Variants in LGMN observed in about 807,000 individuals in gnomAD.
The protein encoded by LGMN is asparaginyl endopeptidase.
LGMN carries 36 observed loss-of-function variants against 56.8 expected under a neutral mutation model. The observed-to-expected ratio is 0.63, with a 90% CI of 0.49 to 0.84. The LOEUF is 0.84. LGMN is among the 40% of genes least tolerant of loss of function. The pLI is 0.00. For missense variants in LGMN, 446 were observed against 556.1 expected (o/e 0.80, Z 1.99); for synonymous variants, 199 against 210.1 (o/e 0.95, Z 0.46).
chr14:92,704,602 G>T, intron 13 of LGMN, 38 bp downstream of exon 13: 2 of 1,544,682 alleles, frequency 1.3e-6, no homozygotes, highest in South Asian at 1.1e-5. Flanking sequence ...CTTTCAGAAT[G>T]ACATCGACCT....
At chr14:92,724,245 G>A (rs535018403) in intron 2 of LGMN, among the ~76,000 whole-genome samples, 2 of 152,280 alleles carry the variant, frequency 1.3e-5, no homozygotes, top group African/African-American at 4.8e-5. Flanking sequence ...TGCACTGTTT[G>A]GGACCCCCAG....
At chr14:92,710,913 C>T (rs1889731377) in intron 10 of LGMN, among the ~76,000 whole-genome samples, 1 of 152,232 alleles carries the variant, frequency 6.6e-6, no homozygotes, top group African/African-American at 2.4e-5. Flanking sequence ...GAAGGGCTAA[C>T]CATGGCTGGA....
At chr14:92,735,797 T>C (rs2140269849) in intron 1 of LGMN, among the ~76,000 whole-genome samples, 1 of 151,762 alleles carries the variant, frequency 6.6e-6, no homozygotes, top group East Asian at 1.9e-4. Context: ...GATTTGTTTT[T>C]TTCAGGTTTT....
rs977946156 is a variant in LGMN at position 92,705,768 on chromosome 14, C to T, written c.1191+715G>A. Among the ~76,000 whole-genome samples the T allele has an allele frequency of 6.6e-5, 10 of 152,100 alleles. 1 individual carries two copies. The highest frequency in any genetic ancestry group is 1.2e-4 in the African/African-American group (5 of 41,506). On this transcript the variant is annotated intron_variant, in intron 12 of 13. Transcript: ENST00000334869. ...TCAGCCTCCCGAGTAGTTGGGATTA[C>T]GGGCGTGCACCACCAAGTCTGGCTA...
At chr14:92,729,674 T>C (rs962987827) in intron 2 of LGMN, among the ~76,000 whole-genome samples, 1 of 152,130 alleles carries the variant, frequency 6.6e-6, no homozygotes, top group Non-Finnish European at 1.5e-5. Context: ...CCAAGGAAAA[T>C]ATAAACCTCT....
intron 11 of LGMN, 75 bp from the exon 12 acceptor site, chr14:92,706,728 T>A (rs150981975): frequency 7.4e-7 from 1 of 1,356,356 alleles, no homozygotes; most frequent in East Asian, 2.5e-5. Flanking sequence ...CGGTGAGAAG[T>A]GCATTCAAAG....
rs1420849993 is a variant in LGMN, at chr14:92,713,897, G to A, written c.481-12C>T. ...TCCTTTACATGAAGCTGAAAGGTGA[G>A]AATATTGTCAGACCAACACATCAAG... On this transcript the variant is annotated splice_polypyrimidine_tract_variant and intron_variant, in intron 6 of 13. Transcript: ENST00000334869. 4 of 1,601,568 alleles carry A rather than the reference G, an allele frequency of 2.5e-6. No homozygotes were observed. The South Asian group carries it at 3.3e-5, about 13-fold the overall frequency.
At chr14:92,734,812 G>A (rs1024340870) in intron 1 of LGMN, among the ~76,000 whole-genome samples, 1 of 152,180 alleles carries the variant, frequency 6.6e-6, no homozygotes, top group Non-Finnish European at 1.5e-5. Flanking sequence ...GACTCAGGGC[G>A]GCAGATGTGT....
rs182149822 is a variant in LGMN at position 92,733,417 on chromosome 14, C to T, written c.-29-602G>A. Among the ~76,000 whole-genome samples, 279 of 152,222 alleles carry T rather than the reference C, an allele frequency of 1.8e-3. 1 individual carries two copies. The highest frequency in any genetic ancestry group is 3.6e-3 in the Admixed American group (55 of 15,288). ...GCACTTTTTAAAGTTTTTGACGTAA[C>T]TCAAAATACAGCAGATAAAATTCAT... On this transcript the variant is annotated intron_variant, in intron 1 of 13. Transcript: ENST00000334869.
At chr14:92,729,323 A>C (rs1401737675) in intron 2 of LGMN, among the ~76,000 whole-genome samples, 1 of 148,894 alleles carries the variant, frequency 6.7e-6, no homozygotes, top group South Asian at 2.1e-4. Flanking sequence ...CCCATTATCC[A>C]TGCAACCCCC....
At chr14:92,726,274 C>T (rs1890735608) in intron 2 of LGMN, among the ~76,000 whole-genome samples, 1 of 151,846 alleles carries the variant, frequency 6.6e-6, no homozygotes, top group Non-Finnish European at 1.5e-5. Context: ...AAACAAATAG[C>T]TTGTGAGAAA....
In LGMN at chr14:92,714,162, G is replaced by A. The variant is rs1473819205; in HGVS notation, c.480+214C>T. Among the ~76,000 whole-genome samples, 2 of 152,138 alleles carry A rather than the reference G, an allele frequency of 1.3e-5. No homozygotes were observed. The highest frequency in any genetic ancestry group is 1.9e-4 in the East Asian group (1 of 5,184). On this transcript the variant is annotated intron_variant, in intron 6 of 13. Coordinates refer to ENST00000334869, the MANE Select transcript of LGMN (RefSeq NM_005606.7). This position sits in a 1 kb window ranked among gnomAD's most constrained non-coding sequence, Gnocchi z 5.1. ...CCCACATCCTGAGACAGCTACCGAC[G>A]CTGCGACATGAACAGAAAAGCAGGG...
At chr14:92,726,836 T>G (rs896163203) in intron 2 of LGMN, among the ~76,000 whole-genome samples, 1 of 152,088 alleles carries the variant, frequency 6.6e-6, no homozygotes, top group Non-Finnish European at 1.5e-5. Context: ...TCACAAGTGG[T>G]CAGGAGCTTC....
chr14:92,716,268 C>T, intron 4 of LGMN, 47 bp from the exon 5 acceptor site: 5 of 1,393,724 alleles, frequency 3.6e-6, no homozygotes, highest in Non-Finnish European at 5.1e-6. Flanking sequence ...TCGCTCCAAC[C>T]CAGAGAGTTG....
chr14:92,733,038 A>G (rs1275954766), intron 1 of LGMN, among the ~76,000 whole-genome samples: 1 of 151,438 alleles, frequency 6.6e-6, no homozygotes, highest in African/African-American at 2.4e-5. Context: ...AATCCCAGCT[A>G]CTCGGGAGGC....
intron 1 of LGMN, among the ~76,000 whole-genome samples, chr14:92,747,204 A>G (rs1056555203): frequency 2.0e-5 from 3 of 151,970 alleles, no homozygotes; most frequent in Non-Finnish European, 2.9e-5. Context: ...CCAGCCCTCA[A>G]ACTCCAAGGC....
chr14:92,721,804 G>A (rs1170533999), intron 2 of LGMN, among the ~76,000 whole-genome samples: 5 of 152,098 alleles, frequency 3.3e-5, no homozygotes, highest in East Asian at 1.9e-4. Flanking sequence ...GAAAATGAAC[G>A]AACTACAACC....
In LGMN at chr14:92,716,149, T is replaced by C; in HGVS notation, c.391A>G (p.Lys131Glu). The change falls in exon 5 of 14, where the codon AAA becomes GAA. Residue 131 changes from lysine (K) to glutamate (E), a missense_variant. Transcript: ENST00000334869. ...AACAGACATTACCTCTTCAGGACTT[T>C]GCCGGATCCTATGCCCTTCACTGCT... The part of the protein sequence containing the change: ...AEAVKGIGSG[K>E]VLKSGPQDHV... 6.2e-7 allele frequency: 1 copy of C among 1,611,676 alleles called. No homozygotes were observed. The highest frequency in any genetic ancestry group is 1.1e-5 in the South Asian group (1 of 90,886).
chr14:92,729,165 C>T (rs183566616), intron 2 of LGMN, among the ~76,000 whole-genome samples: 3 of 135,314 alleles, frequency 2.2e-5, no homozygotes, highest in African/African-American at 5.7e-5. Context: ...TCTGGGATTG[C>T]GCCACACTTC....
Sources: allele counts gnomAD v4.1 joint callset (sites outside exome capture counted in the v4.1 genomes callset), GRCh38; gene constraint gnomAD v4.1.1; non-coding constraint Gnocchi (gnomAD v3.1); transcripts MANE v1.5; gene names NCBI Gene and HGNC (gene_info 2026-07-23, HGNC 2026-07-21).